Variants in PTPRB observed in about 807,000 individuals in gnomAD.
PTPRB encodes the protein protein tyrosine phosphatase receptor type B.
Under a neutral mutation model 238.1 loss-of-function variants are expected in PTPRB, and 97 were observed. That is an observed-to-expected ratio of 0.41 (90% confidence interval 0.35 to 0.48). PTPRB has a LOEUF of 0.48. PTPRB is among the 20% of genes least tolerant of loss of function. PTPRB has a pLI of 0.30. For synonymous variants in PTPRB, 970 were observed against 995.4 expected (o/e 0.97, Z 0.48); for missense variants, 2,292 against 2,681.9 (o/e 0.85, Z 3.21).
rs771119207 is a variant in PTPRB, at chr12:70,534,648, C to G, written c.6208G>C (p.Glu2070Gln). 1.2e-6 allele frequency: 2 copies of G among 1,611,876 alleles called. No individual in the cohort carries two copies. The highest frequency in any genetic ancestry group is 4.5e-5 in the East Asian group (2 of 44,822). The part of the protein sequence containing the change: ...TIREFKICGE[E>Q]QLDAHRLIRH... ...ATGAGTCTGTGTGCATCAAGCTGTT[C>G]CTCCTGTAAGAGCAGAGAGCAGGAT... Residue 2070 changes from glutamate to glutamine, a missense_variant, in exon 31 of 34, where the codon GAA becomes CAA. Glu to Gln is a conservative substitution (Grantham distance 29). This residue lies in a region of PTPRB where 397 missense variants were observed against 502.0 expected (regional missense o/e 0.79). Transcript: ENST00000334414.
intron 31 of PTPRB, among the ~76,000 whole-genome samples, chr12:70,533,098 T>G (rs548956950): frequency 6.6e-6 from 1 of 152,204 alleles, no homozygotes; most frequent in African/African-American, 2.4e-5. Context: ...AGCAGAACTC[T>G]TGGGTTGGTC....
chr12:70,581,235 C>G lies in PTPRB; in HGVS notation c.2379G>C (p.Trp793Cys). The G allele has an allele frequency of 6.2e-7, 1 of 1,613,948 alleles. No individual in the cohort carries two copies. Among genetic ancestry groups the G allele is most frequent in the Non-Finnish European group, 8.5e-7 (1 of 1,179,852 alleles). ...ATTCTACGTCTCCTTGTGCCTGGGT[C>G]CAGTTAGTAAACAGACTACTGGTCA... ...QGMTSSLFTN[W>C]TQAQGDVEFY... Residue 793 changes from tryptophan to cysteine, a missense_variant, in exon 10 of 34, where the codon TGG (tryptophan) becomes TGC (cysteine). Around this residue, in one of 4 missense-constraint regions of PTPRB, gnomAD observed 1,205 missense variants for 1,287.8 expected, o/e 0.94. Coordinates refer to ENST00000334414, the MANE Select transcript of PTPRB (RefSeq NM_001109754.4).
Position 70,635,928 on chromosome 12 carries a change from G to T in PTPRB, c.194C>A (p.Ser65Tyr). The change falls in exon 2 of 34, where the codon TCT (serine) becomes TAT (tyrosine). Residue 65 changes from serine to tyrosine, a missense_variant. By Grantham distance (144) the Ser-to-Tyr change is moderately radical. Coordinates refer to ENST00000334414, the MANE Select transcript of PTPRB (RefSeq NM_001109754.4). ...GTTGGAGATGGCCAAGCACAGTGCA[G>T]ATTTAACATGAAGGAGCTTTTCATC... ...TEDEKLLHVK[S>Y]ALCLAISNSS... 1 of 1,613,760 alleles carries T rather than the reference G, an allele frequency of 6.2e-7. No individual in the cohort carries two copies. The highest frequency in any genetic ancestry group is 1.7e-5 in the Admixed American group (1 of 59,966).
chr12:70,541,171 G>T, intron 22 of PTPRB: 1 of 509,818 alleles, frequency 2.0e-6, no homozygotes, highest in Non-Finnish European at 3.5e-6. Flanking sequence ...AGTGAGGCCA[G>T]GTGTCACTGC....
At chr12:70,525,749 C>T (rs1872337191) in intron 32 of PTPRB, among the ~76,000 whole-genome samples, 1 of 152,138 alleles carries the variant, frequency 6.6e-6, no homozygotes, top group Admixed American at 6.6e-5. Flanking sequence ...GATAACTTCC[C>T]TTGCTGAGCA....
At chr12:70,625,985 C>G (rs1379001260) in intron 2 of PTPRB, among the ~76,000 whole-genome samples, 1 of 152,020 alleles carries the variant, frequency 6.6e-6, no homozygotes, top group Non-Finnish European at 1.5e-5. Context: ...TTTAAAAGAG[C>G]AATGTGTATT....
At chr12:70,611,322 T>G (rs1884431158) in intron 3 of PTPRB, among the ~76,000 whole-genome samples, 2 of 152,234 alleles carry the variant, frequency 1.3e-5, no homozygotes, top group African/African-American at 4.8e-5. Context: ...AGAGTCTCAC[T>G]CTGTCACCCA....
At chr12:70,624,033 T>C (rs921673752) in intron 2 of PTPRB, among the ~76,000 whole-genome samples, 1 of 152,154 alleles carries the variant, frequency 6.6e-6, no homozygotes, top group South Asian at 2.1e-4. Context: ...AATAAAATAA[T>C]CTTGGCTATA....
rs764041847 is a variant in PTPRB, at chr12:70,581,108, G to A, written c.2506C>T (p.Leu836=). 1.2e-6 allele frequency: 2 copies of A among 1,614,016 alleles called. No homozygotes were observed. The highest frequency in any genetic ancestry group is 1.7e-6 in the Non-Finnish European group (2 of 1,179,906). Residue 836 remains leucine (L), a synonymous_variant, in exon 10 of 34, where the codon CTG becomes TTG. Transcript: ENST00000334414. ...YSFHSLKSGS[L]YSVVVTTVSG... Reference sequence around the variant, plus strand: ...ACTGTTGTTACCACCACGGAGTACAGGCTGCCGGACTTGAGAGAGTGGAAG... The same window carrying A: ...ACTGTTGTTACCACCACGGAGTACAAGCTGCCGGACTTGAGAGAGTGGAAG...
intron 14 of PTPRB, among the ~76,000 whole-genome samples, chr12:70,568,422 C>T (rs532173271): frequency 1.3e-5 from 2 of 150,808 alleles, no homozygotes; most frequent in Non-Finnish European, 1.5e-5. Flanking sequence ...CTCAGCCTCC[C>T]GAGTAGCTGG....
chr12:70,566,815 T>G, intron 14 of PTPRB, 111 bp from the exon 15 acceptor site: 1 of 1,186,230 alleles, frequency 8.4e-7, no homozygotes, highest in Non-Finnish European at 1.2e-6. Flanking sequence ...TGCATTTGCT[T>G]TATTTGTGTG....
intron 3 of PTPRB, chr12:70,609,824 T>A (rs909092241): frequency 1.3e-6 from 2 of 1,578,046 alleles, no homozygotes; most frequent in Non-Finnish European, 1.7e-6. Context: ...TTGCGCTCAG[T>A]AGTTAAGATC....
At chr12:70,565,333 T>C (rs2136349017) in intron 15 of PTPRB, among the ~76,000 whole-genome samples, 1 of 152,358 alleles carries the variant, frequency 6.6e-6, no homozygotes, top group Middle Eastern at 3.4e-3. Context: ...CAGTCTCACC[T>C]TTCCATCATG....
chr12:70,637,372 C>T lies in PTPRB; in HGVS notation c.24G>A (p.Val8=), dbSNP rs547005895. Residue 8 remains valine, a synonymous_variant, in exon 1 of 34, where the codon GTG becomes GTA. Coordinates refer to ENST00000334414, the MANE Select transcript of PTPRB (RefSeq NM_001109754.4). The part of the protein sequence containing the change: MEAEFYM[V]ILTCLIFRNS... The stretch of plus-strand genomic sequence containing the variant: ...TCCTGAAGATCAAGCAGGTAAGAAT[C>T]ACCATGTAAAATTCAGCCTCCATTT... 2 of 1,609,122 alleles carry T rather than the reference C, an allele frequency of 1.2e-6. No individual in the cohort carries two copies. The highest frequency in any genetic ancestry group is 2.2e-5 in the East Asian group (1 of 44,694).
chr12:70,570,852 C>CT (rs1312219620), intron 13 of PTPRB, 174 bp downstream of exon 13: 3 of 741,194 alleles, frequency 4.0e-6, no homozygotes, highest in Non-Finnish European at 6.5e-6. Context: ...TGACATCATA[C>CT]TTTATTTTCA....
chr12:70,605,757 T>G (rs1008382412), intron 4 of PTPRB, among the ~76,000 whole-genome samples: 1 of 152,198 alleles, frequency 6.6e-6, no homozygotes, highest in Non-Finnish European at 1.5e-5. Context: ...GCTGGTGAAA[T>G]GATCTGGATG....
chr12:70,537,147 C>T lies in PTPRB; in HGVS notation c.5947-988G>A, dbSNP rs553911772. Reference sequence around the variant, plus strand: ...AAAATACAAAAAAATATTAGCCAGGCGTGGTGGCAGGTGCCTGTAGTCTCA... The same window carrying T: ...AAAATACAAAAAAATATTAGCCAGGTGTGGTGGCAGGTGCCTGTAGTCTCA... On this transcript the variant is annotated intron_variant, in intron 28 of 33. Transcript: ENST00000334414. Among the ~76,000 whole-genome samples, 12 of 152,104 alleles carry T rather than the reference C, an allele frequency of 7.9e-5. No individual in the cohort carries two copies. The East Asian group carries it at 1.9e-3, about 25-fold the overall frequency.
At chr12:70,566,398 C>T in intron 15 of PTPRB, 37 bp downstream of exon 15, 3 of 1,599,668 alleles carry the variant, frequency 1.9e-6, no homozygotes, top group South Asian at 1.1e-5. Flanking sequence ...CAGACATTGG[C>T]AATATGTGCT....
chr12:70,553,334 C>T (rs1877185320), intron 20 of PTPRB, among the ~76,000 whole-genome samples: 1 of 152,126 alleles, frequency 6.6e-6, no homozygotes, highest in Admixed American at 6.5e-5. Flanking sequence ...TGTTGGACAA[C>T]TCCCATTGTG....
Sources: gnomAD v4.1 joint callset for allele counts (sites outside exome capture counted in the v4.1 genomes callset) on GRCh38, gnomAD v4.1.1 for gene constraint, gnomAD v4.1.1 regional missense constraint, MANE v1.5 for transcripts, NCBI Gene and HGNC (gene_info 2026-07-23, HGNC 2026-07-21) for gene names.